Variants in BTBD9 observed in about 807,000 individuals in gnomAD.
BTBD9 encodes the protein BTB/POZ domain-containing protein 9.
A neutral mutation model predicts 64.3 loss-of-function variants in BTBD9; 49 were observed. The ratio of observed to expected loss-of-function variants is 0.76; its 90% confidence interval spans 0.61 to 0.97. The LOEUF is 0.97. Ranked by LOEUF, BTBD9 falls within the 50% of genes least tolerant of loss-of-function variation. BTBD9 has a pLI of 0.00. For synonymous variants in BTBD9, 260 were observed against 274.7 expected, an observed-to-expected ratio of 0.95 and a Z score of 0.53; for missense variants, 598 against 762.1, an observed-to-expected ratio of 0.78 and a Z score of 2.53.
At chr6:38,302,190 G>A (rs1762428822) in intron 7 of BTBD9, among the ~76,000 whole-genome samples, 1 of 151,980 alleles carries the variant, frequency 6.6e-6, no homozygotes, top group African/African-American at 2.4e-5. Context: ...GTTAACCACA[G>A]TCAACCTACT....
intron 6 of BTBD9, among the ~76,000 whole-genome samples, chr6:38,421,748 G>A (rs1767912322): frequency 6.6e-6 from 1 of 152,200 alleles, no homozygotes; most frequent in South Asian, 2.1e-4. Context: ...GCAGACACTA[G>A]AAGTTCTGAC....
intron 6 of BTBD9, among the ~76,000 whole-genome samples, chr6:38,507,648 T>C (rs1291391845): frequency 6.6e-6 from 1 of 152,124 alleles, no homozygotes; most frequent in African/African-American, 2.4e-5. Context: ...AATTCACTCT[T>C]TTGATGTTCC....
chr6:38,626,225 G>C (rs1266173746), intron 1 of BTBD9, among the ~76,000 whole-genome samples: 1 of 152,148 alleles, frequency 6.6e-6, no homozygotes, highest in East Asian at 1.9e-4. Flanking sequence ...GAGATGTTTT[G>C]ATACCAGCGT....
rs529419092 is a variant in BTBD9, at chr6:38,222,418, G to A, written c.1563-29821C>T. Reference sequence around the variant, plus strand: ...TGGGACTACAGGTGCCCGCCACCATGCCCATCTAATTTTTGTATTTTTAGT... The same window carrying A: ...TGGGACTACAGGTGCCCGCCACCATACCCATCTAATTTTTGTATTTTTAGT... On this transcript the variant is annotated intron_variant, in intron 9 of 10. Transcript: ENST00000481247. 3.8e-3 allele frequency among the ~76,000 whole-genome samples: 584 copies of A among 151,818 alleles called. 3 individuals are homozygous for A. Among genetic ancestry groups the A allele is most frequent in the African/African-American group, 0.013 (552 of 41,392 alleles).
chr6:38,178,655 A>C (rs1761394073), intron 10 of BTBD9, among the ~76,000 whole-genome samples: 1 of 148,560 alleles, frequency 6.7e-6, no homozygotes, highest in Admixed American at 6.8e-5. Flanking sequence ...GGAGGGGGGG[A>C]CTTGGTGTGG....
intron 1 of BTBD9, among the ~76,000 whole-genome samples, chr6:38,632,709 A>C (rs1185010928): frequency 2.0e-5 from 3 of 152,168 alleles, no homozygotes; most frequent in Non-Finnish European, 2.9e-5. Context: ...AAGTTGGAGG[A>C]TCCCTTGAGC....
intron 6 of BTBD9, among the ~76,000 whole-genome samples, chr6:38,423,801 C>G (rs1242725912): frequency 6.7e-6 from 1 of 149,462 alleles, no homozygotes; most frequent in African/African-American, 2.6e-5. Flanking sequence ...AAGGCAGATA[C>G]AATGCATTAA....
chr6:38,357,302 C>A lies in BTBD9; in HGVS notation c.1155-12209G>T, dbSNP rs1053462874. Among the ~76,000 whole-genome samples the A allele has an allele frequency of 3.9e-5, 6 of 152,294 alleles. No homozygotes were observed. The South Asian group carries it at 1.2e-3, about 32-fold the overall frequency. ...TTTGAGAATTCAGTAGCTTAGGATT[C>A]AGTGTTTTGGGGGCCTGTTAAGTCA... On this transcript the variant is annotated intron_variant, in intron 6 of 10. Transcript: ENST00000481247.
intron 6 of BTBD9, among the ~76,000 whole-genome samples, chr6:38,573,559 T>C (rs1206086095): frequency 6.6e-6 from 1 of 152,152 alleles, no homozygotes; most frequent in Non-Finnish European, 1.5e-5. Flanking sequence ...ACCTACGCTC[T>C]TGTTCCCTCT....
intron 6 of BTBD9, among the ~76,000 whole-genome samples, chr6:38,406,493 A>C (rs1268533890): frequency 1.3e-5 from 2 of 152,168 alleles, no homozygotes; most frequent in Non-Finnish European, 2.9e-5. Flanking sequence ...TAGGGAATAC[A>C]TTTTCATTTA....
At chr6:38,402,860 G>A (rs751357929) in intron 6 of BTBD9, 40 of 700,912 alleles carry the variant, frequency 5.7e-5, no homozygotes, top group Admixed American at 1.8e-4. Flanking sequence ...TTGAGCTCAG[G>A]AGTTCGAGAC....
intron 9 of BTBD9, among the ~76,000 whole-genome samples, chr6:38,227,294 T>C (rs1420340044): frequency 1.3e-5 from 2 of 152,242 alleles, no homozygotes; most frequent in Non-Finnish European, 2.9e-5. Flanking sequence ...TCGGCATTAG[T>C]GCTGCCACTT....
chr6:38,212,804 A>AT (rs1762877940), intron 9 of BTBD9, among the ~76,000 whole-genome samples: 1 of 146,170 alleles, frequency 6.8e-6, no homozygotes, highest in African/African-American at 2.6e-5. Context: ...CTCCAAGGAG[A>AT]CGGCCTCCTC....
At position 38,564,661 on chromosome 6, in the gene BTBD9, G is replaced by A. The variant is rs771256876; in HGVS notation, c.1154+12939C>T. On this transcript the variant is annotated intron_variant, in intron 6 of 10. Coordinates refer to ENST00000481247, the MANE Select transcript of BTBD9 (RefSeq NM_001099272.2). The stretch of plus-strand genomic sequence containing the variant: ...CCCAGCACTTTGGGAGGCCAAGGTG[G>A]GCGAATCATTAGGTCTGGAGATTGA... Among the ~76,000 whole-genome samples the A allele has an allele frequency of 3.9e-5, 6 of 152,222 alleles. No homozygotes were observed. The East Asian group carries it at 5.8e-4, about 15-fold the overall frequency.
intron 8 of BTBD9, among the ~76,000 whole-genome samples, chr6:38,271,777 T>C (rs1765204103): frequency 1.3e-5 from 2 of 152,180 alleles, no homozygotes; most frequent in African/African-American, 4.8e-5. Flanking sequence ...AGGCTGAGCT[T>C]AGCCTAGAAA....
intron 7 of BTBD9, among the ~76,000 whole-genome samples, chr6:38,338,915 C>T (rs1214714758): frequency 6.6e-6 from 1 of 152,204 alleles, no homozygotes; most frequent in Non-Finnish European, 1.5e-5. Context: ...CACTGAGATA[C>T]CATTTCTCAC....
At chr6:38,521,979 C>G (rs892010320) in intron 6 of BTBD9, among the ~76,000 whole-genome samples, 1 of 152,116 alleles carries the variant, frequency 6.6e-6, no homozygotes, top group Admixed American at 6.5e-5. Flanking sequence ...CCAGCCCCTC[C>G]TCTCTACTTC....
Position 38,453,662 on chromosome 6 carries a change from T to G in BTBD9, c.1155-108569A>C, listed in dbSNP as rs115415270. Among the ~76,000 whole-genome samples the G allele has an allele frequency of 1.9e-3, 288 of 152,296 alleles. 1 individual carries two copies. Among genetic ancestry groups the G allele is most frequent in the African/African-American group, 6.5e-3 (270 of 41,572 alleles). On this transcript the variant is annotated intron_variant, in intron 6 of 10. Coordinates refer to ENST00000481247, the MANE Select transcript of BTBD9 (RefSeq NM_001099272.2). ...AGGACAGCCTGACAACTGGATAGAT[T>G]CTGTGTAAAGAATGCCCCTTAGTTA...
chr6:38,230,613 A>G (rs920696870), intron 9 of BTBD9, among the ~76,000 whole-genome samples: 1 of 151,876 alleles, frequency 6.6e-6, no homozygotes, highest in Non-Finnish European at 1.5e-5. Context: ...TACCAAACCT[A>G]AAGGTCATAT....
Sources: allele counts gnomAD v4.1 joint callset (sites outside exome capture counted in the v4.1 genomes callset), GRCh38; gene constraint gnomAD v4.1.1; transcripts MANE v1.5; gene names NCBI Gene and HGNC (gene_info 2026-07-23, HGNC 2026-07-21).